Variants in ARHGAP44 observed in about 807,000 individuals in gnomAD.
The protein encoded by ARHGAP44 is Rho GTPase activating protein 44, also known as rho GTPase-activating protein 44.
In ARHGAP44, 43 loss-of-function variants were observed where a neutral mutation model predicts 106.8. The ratio of observed to expected loss-of-function variants is 0.40; its 90% CI spans 0.32 to 0.52. The LOEUF is 0.52. Among genes scored for constraint, ARHGAP44 ranks in the 20% least tolerant of loss-of-function variants. The pLI is 0.48. For synonymous variants in ARHGAP44, 439 were observed against 410.3 expected (o/e 1.07, Z -0.85); for missense variants, 866 against 1,050.5 (o/e 0.82, Z 2.43).
chr17:12,828,028 C>CAAAAA (rs60301804), intron 1 of ARHGAP44, among the ~76,000 whole-genome samples: 1 of 73,920 alleles, frequency 1.4e-5, no homozygotes, highest in Non-Finnish European at 2.9e-5. Context: ...CTGGCCATCT[C>CAAAAA]AAAAAAAAAA....
Position 12,870,395 on chromosome 17 carries a change from C to T in ARHGAP44, c.54-24545C>T, listed in dbSNP as rs1186519109. Among the ~76,000 whole-genome samples the T allele has an allele frequency of 2.0e-5, 3 of 152,096 alleles. 1 individual carries two copies. The highest frequency in any genetic ancestry group is 4.1e-4 in the South Asian group (2 of 4,826). ...TTTCTACATTTTTAGCCTTTTAATA[C>T]GTACTGCCAGATTGCCCTCAAGAAA... On this transcript the variant is annotated intron_variant, in intron 1 of 20. Coordinates refer to ENST00000379672, the MANE Select transcript of ARHGAP44 (RefSeq NM_014859.6).
chr17:12,887,637 T>C (rs1469256952), intron 1 of ARHGAP44, among the ~76,000 whole-genome samples: 2 of 151,438 alleles, frequency 1.3e-5, no homozygotes, highest in Admixed American at 6.5e-5. Flanking sequence ...ATCAAAGTAG[T>C]ATTAGATTCA....
chr17:12,907,169 A>G (rs952870528), intron 3 of ARHGAP44, among the ~76,000 whole-genome samples: 3 of 152,082 alleles, frequency 2.0e-5, no homozygotes, highest in Non-Finnish European at 2.9e-5. Context: ...TTGAAGAACT[A>G]CCTTTGTAGC....
Position 12,972,719 on chromosome 17 carries a change from C to T in ARHGAP44, c.1524-583C>T, listed in dbSNP as rs576443122. ...CTCTGTCACCCAGGCTGGAGTGCACCGTCGCAGTCTCGGCTCACTGCAAGC... is the reference window on the plus strand; with the variant it reads ...CTCTGTCACCCAGGCTGGAGTGCACTGTCGCAGTCTCGGCTCACTGCAAGC... On this transcript the variant is annotated intron_variant, in intron 16 of 20. Coordinates refer to ENST00000379672, the MANE Select transcript of ARHGAP44 (RefSeq NM_014859.6). Among the ~76,000 whole-genome samples, 112 of 151,108 alleles carry T rather than the reference C, an allele frequency of 7.4e-4. 1 individual carries two copies. The highest frequency in any genetic ancestry group is 2.5e-3 in the African/African-American group (104 of 41,270).
chr17:12,957,655 C>T (rs1478259776), intron 15 of ARHGAP44, among the ~76,000 whole-genome samples: 1 of 152,112 alleles, frequency 6.6e-6, no homozygotes, highest in Non-Finnish European at 1.5e-5. Flanking sequence ...GAGGGAGTTT[C>T]AGAGATGTTC....
At chr17:12,793,208 C>T (rs2033817904) in intron 1 of ARHGAP44, among the ~76,000 whole-genome samples, 2 of 152,176 alleles carry the variant, frequency 1.3e-5, no homozygotes, top group Non-Finnish European at 2.9e-5. Flanking sequence ...CATAGATAAC[C>T]TGTGAAAAGT....
chr17:12,874,732 TAAAAAAA>T (rs34258013), intron 1 of ARHGAP44, among the ~76,000 whole-genome samples: 1 of 143,950 alleles, frequency 6.9e-6, no homozygotes, highest in African/African-American at 2.5e-5. Flanking sequence ...AACTCTGTCT[TAAAAAAA>T]AAAAAGGCAG....
intron 4 of ARHGAP44, among the ~76,000 whole-genome samples, chr17:12,915,192 C>T (rs2037870371): frequency 2.0e-5 from 3 of 152,318 alleles, no homozygotes; most frequent in Middle Eastern, 3.4e-3. Flanking sequence ...GCATGTACCA[C>T]CATGCCCAGC....
chr17:12,902,474 A>G (rs1008015281), intron 3 of ARHGAP44, among the ~76,000 whole-genome samples: 1 of 152,108 alleles, frequency 6.6e-6, no homozygotes, highest in African/African-American at 2.4e-5. Context: ...AATCACTGTG[A>G]TCATTTATTT....
intron 1 of ARHGAP44, among the ~76,000 whole-genome samples, chr17:12,804,222 T>TGG (rs2034205388): frequency 6.6e-6 from 1 of 152,248 alleles, no homozygotes; most frequent in Non-Finnish European, 1.5e-5. Flanking sequence ...CAAGTGGTCC[T>TGG]GATCATGGAA....
chr17:12,864,931 A>ATTCTATGG, intron 1 of ARHGAP44, among the ~76,000 whole-genome samples: 1 of 152,216 alleles, frequency 6.6e-6, no homozygotes, highest in African/African-American at 2.4e-5. Flanking sequence ...AAAGACACTT[A>ATTCTATGG]GAGACATGTA....
chr17:12,807,192 G>A (rs1361011341), intron 1 of ARHGAP44, among the ~76,000 whole-genome samples: 2 of 152,194 alleles, frequency 1.3e-5, no homozygotes, highest in African/African-American at 4.8e-5. Flanking sequence ...TGGAATTGAA[G>A]CATTGAATCG....
intron 4 of ARHGAP44, among the ~76,000 whole-genome samples, chr17:12,915,305 G>A (rs2037874243): frequency 6.6e-6 from 1 of 152,182 alleles, no homozygotes; most frequent in Non-Finnish European, 1.5e-5. Context: ...ACCAGACAAT[G>A]GGAGAATGGC....
At chr17:12,810,009 C>G (rs1322344762) in intron 1 of ARHGAP44, among the ~76,000 whole-genome samples, 1 of 151,950 alleles carries the variant, frequency 6.6e-6, no homozygotes, top group East Asian at 1.9e-4. Flanking sequence ...GAATCATCAG[C>G]AGGGGGGTGG....
intron 1 of ARHGAP44, among the ~76,000 whole-genome samples, chr17:12,802,245 C>G (rs2034114639): frequency 6.6e-6 from 1 of 152,112 alleles, no homozygotes; most frequent in African/African-American, 2.4e-5. Context: ...TCTCTGGATG[C>G]AGCAGCAGAA....
At chr17:12,932,377 T>G (rs901600700) in intron 7 of ARHGAP44, among the ~76,000 whole-genome samples, 1 of 152,258 alleles carries the variant, frequency 6.6e-6, no homozygotes, top group Admixed American at 6.5e-5. Flanking sequence ...GTATTTCTAT[T>G]GCTTTTCTAA....
intron 3 of ARHGAP44, among the ~76,000 whole-genome samples, chr17:12,908,596 A>G (rs2037633229): frequency 6.6e-6 from 1 of 152,146 alleles, no homozygotes; most frequent in Non-Finnish European, 1.5e-5. Context: ...TGTTAACATC[A>G]TTTTAAATTT....
At chr17:12,974,454 G>A (rs2039620002) in intron 18 of ARHGAP44, 144 bp downstream of exon 18, 1 of 698,316 alleles carries the variant, frequency 1.4e-6, no homozygotes, top group South Asian at 3.0e-5. Flanking sequence ...CTTCTGCGTC[G>A]CGCTGGCACC....
At chr17:12,950,389 A>G (rs572122518) in intron 12 of ARHGAP44, among the ~76,000 whole-genome samples, 7 of 152,278 alleles carry the variant, frequency 4.6e-5, no homozygotes, top group African/African-American at 7.2e-5. Flanking sequence ...GATGCGCCCA[A>G]GGGAGAGGCC....
Sources: allele counts gnomAD v4.1 joint callset (sites outside exome capture counted in the v4.1 genomes callset), GRCh38; gene constraint gnomAD v4.1.1; transcripts MANE v1.5; gene names NCBI Gene and HGNC (gene_info 2026-07-23, HGNC 2026-07-21).